CTDSP2: variants seen among roughly 807,000 people sequenced by gnomAD.
CTDSP2 encodes CTD small phosphatase 2, also known as carboxy-terminal domain RNA polymerase II polypeptide A small phosphatase 2.
Under a neutral mutation model 31.6 loss-of-function variants are expected in CTDSP2, and 9 were observed. The observed-to-expected ratio is 0.28, with a 90% confidence interval of 0.17 to 0.50. The LOEUF is 0.50. Ranked by LOEUF, CTDSP2 falls within the 20% of genes least tolerant of loss-of-function variation. The pLI is 0.98. For synonymous variants in CTDSP2, 134 were observed against 134.5 expected, an observed-to-expected ratio of 1.00 and a Z score of 0.03; for missense variants, 267 against 348.5, an observed-to-expected ratio of 0.77 and a Z score of 1.86.
rs1264848072 is a variant in CTDSP2 at position 57,846,534 on chromosome 12, C to T, written c.-99G>A. 3 of 936,586 alleles carry T rather than the reference C, an allele frequency of 3.2e-6. No homozygotes were observed. Among genetic ancestry groups the T allele is most frequent in the African/African-American group, 3.6e-5 (2 of 56,088 alleles). The allele number at this position is 936,586 out of a possible 1,614,324, so 58.0% of individuals were successfully genotyped here. ...CCTGGGCGGGGGCCCGCTCCGGCTC[C>T]CGAGACTCCGACTTCCACAGCTGTT... On this transcript the variant is annotated 5_prime_UTR_variant, in exon 1 of 8. Coordinates refer to ENST00000398073, the MANE Select transcript of CTDSP2 (RefSeq NM_005730.4).
chr12:57,829,007 A>C lies in CTDSP2; in HGVS notation c.213+441T>G, dbSNP rs781658432. On this transcript the variant is annotated intron_variant, in intron 2 of 7. Coordinates refer to ENST00000398073, the MANE Select transcript of CTDSP2 (RefSeq NM_005730.4). ...TAGCTTTGCATAATTGAGAACAACAACACAGGCTTTAGAGCCAGAGAAATC... is the reference window on the plus strand; with the variant it reads ...TAGCTTTGCATAATTGAGAACAACACCACAGGCTTTAGAGCCAGAGAAATC... Among the ~76,000 whole-genome samples the C allele has an allele frequency of 9.8e-5, 15 of 152,384 alleles. No homozygotes were observed. In the Middle Eastern group the frequency reaches 0.014, roughly 138 times the overall value.
In CTDSP2 at chr12:57,825,970, A is replaced by G. The variant is rs552618742; in HGVS notation, c.411+376T>C. Among the ~76,000 whole-genome samples, 4 of 152,344 alleles carry G rather than the reference A, an allele frequency of 2.6e-5. No homozygotes were observed. In the South Asian group the frequency reaches 8.3e-4, roughly 32 times the overall value. On this transcript the variant is annotated intron_variant, in intron 5 of 7. Coordinates refer to ENST00000398073, the MANE Select transcript of CTDSP2 (RefSeq NM_005730.4). ...AGAGATACCTGGTTAAGGTATCTTAACAGGTATAGATACCTTTCTTAAGGA... is the reference window on the plus strand; with the variant it reads ...AGAGATACCTGGTTAAGGTATCTTAGCAGGTATAGATACCTTTCTTAAGGA...
At chr12:57,828,193 G>A (rs1275313901) in intron 2 of CTDSP2, among the ~76,000 whole-genome samples, 2 of 152,148 alleles carry the variant, frequency 1.3e-5, no homozygotes, top group Admixed American at 6.5e-5. Flanking sequence ...GCCGAGGCGC[G>A]CGGATCACCT....
intron 1 of CTDSP2, among the ~76,000 whole-genome samples, chr12:57,837,773 A>C (rs901002552): frequency 2.0e-5 from 3 of 152,160 alleles, no homozygotes; most frequent in African/African-American, 7.2e-5. Flanking sequence ...AGCATGTTGT[A>C]TGCTGGTGCC....
rs200920287 is a variant in CTDSP2, at chr12:57,824,095, A to G, written c.505-6T>C. ...TCTGTCACAGGGTCGGCATACTAGG[A>G]GGAGAGAAGATGCCTTAGTTTGGAT... On this transcript the variant is annotated splice_region_variant and splice_polypyrimidine_tract_variant and intron_variant, in intron 6 of 7. Coordinates refer to ENST00000398073, the MANE Select transcript of CTDSP2 (RefSeq NM_005730.4). 1 of 1,613,744 alleles carries G rather than the reference A, an allele frequency of 6.2e-7. No individual in the cohort carries two copies. The highest frequency in any genetic ancestry group is 1.3e-5 in the African/African-American group (1 of 74,914).
chr12:57,838,655 C>A (rs1200037640), intron 1 of CTDSP2, among the ~76,000 whole-genome samples: 4 of 152,212 alleles, frequency 2.6e-5, no homozygotes, highest in Non-Finnish European at 1.5e-5. Flanking sequence ...GGACACAGGA[C>A]AAAGCAAGGG....
At chr12:57,832,214 A>T (rs1174594537) in intron 1 of CTDSP2, among the ~76,000 whole-genome samples, 2 of 152,240 alleles carry the variant, frequency 1.3e-5, no homozygotes, top group African/African-American at 4.8e-5. Flanking sequence ...AACTTTTTAG[A>T]AAATGACTGG....
chr12:57,840,908 C>A (rs1263772498), intron 1 of CTDSP2, among the ~76,000 whole-genome samples: 1 of 152,144 alleles, frequency 6.6e-6, no homozygotes, highest in African/African-American at 2.4e-5. Flanking sequence ...GTGGCGCTCA[C>A]TGGAGTACCC....
chr12:57,827,048 C>T lies in CTDSP2; in HGVS notation c.302G>A (p.Arg101Lys), dbSNP rs747149135. The T allele has an allele frequency of 3.3e-5, 54 of 1,613,766 alleles. No individual in the cohort carries two copies. The highest frequency in any genetic ancestry group is 4.2e-5 in the Non-Finnish European group (49 of 1,179,984). ...ATCGAGGTCAATGACCACACAGATCCTTCCTTGATCTTCCTCTGTCACCTC... is the reference window on the plus strand; with the variant it reads ...ATCGAGGTCAATGACCACACAGATCTTTCCTTGATCTTCCTCTGTCACCTC... Reference protein sequence around the residue: ...LPEVTEEDQGRICVVIDLDET... With the variant: ...LPEVTEEDQGKICVVIDLDET... The change falls in exon 4 of 8, where the codon AGG becomes AAG. Residue 101 changes from arginine (R) to lysine (K), a missense_variant. Arg to Lys is a conservative substitution (Grantham distance 26, BLOSUM62 2). This residue lies in a region of CTDSP2 where 156 missense variants were observed against 241.3 expected (regional missense o/e 0.65). Transcript: ENST00000398073.
rs940341521 is a variant in CTDSP2, at chr12:57,846,626, C to T, written c.-191G>A. 1.5e-5 allele frequency: 7 copies of T among 480,662 alleles called. No individual in the cohort carries two copies. The highest frequency in any genetic ancestry group is 1.8e-5 in the Non-Finnish European group (5 of 282,520). The allele number at this position is 480,662 out of a possible 1,614,324, so 29.8% of individuals were successfully genotyped here. A position where few individuals can be genotyped will look rare whatever the true frequency, so the allele number is the denominator to read the frequency against. The stretch of plus-strand genomic sequence containing the variant: ...GCGGCCTGTACAAAGGGCGGGCGGC[C>T]CGGGCAGCGGCTCCCCCGGGTGCCC... On this transcript the variant is annotated 5_prime_UTR_variant, in exon 1 of 8. Transcript: ENST00000398073.
At chr12:57,845,972 C>CT (rs1270783700) in intron 1 of CTDSP2, among the ~76,000 whole-genome samples, 1 of 152,192 alleles carries the variant, frequency 6.6e-6, no homozygotes, top group Non-Finnish European at 1.5e-5. Context: ...GGGGCTCCCT[C>CT]TGTCACCTTC....
At chr12:57,844,407 C>T (rs1956300745) in intron 1 of CTDSP2, among the ~76,000 whole-genome samples, 1 of 152,166 alleles carries the variant, frequency 6.6e-6, no homozygotes, top group African/African-American at 2.4e-5. Context: ...TCTAAGATGC[C>T]CCGGCGCAGT....
chr12:57,839,941 A>G (rs1030033069), intron 1 of CTDSP2, among the ~76,000 whole-genome samples: 2 of 152,092 alleles, frequency 1.3e-5, no homozygotes, highest in East Asian at 3.9e-4. Context: ...TACTCTATAA[A>G]TATTGGCTGT....
At chr12:57,826,305 C>A in intron 5 of CTDSP2, 41 bp downstream of exon 5, 1 of 1,595,434 alleles carries the variant, frequency 6.3e-7, no homozygotes, top group South Asian at 1.1e-5. Context: ...AAGGCAGACC[C>A]CCCACCCTCT....
intron 5 of CTDSP2, among the ~76,000 whole-genome samples, chr12:57,824,845 T>C (rs1401748202): frequency 1.3e-5 from 2 of 152,148 alleles, no homozygotes; most frequent in South Asian, 2.1e-4. Flanking sequence ...CCCGATCTTG[T>C]GCTTGCTTCT....
chr12:57,842,213 GTCTT>G (rs151104532), intron 1 of CTDSP2: 319 of 152,090 alleles, frequency 2.1e-3, no homozygotes, highest in African/African-American at 7.3e-3. Context: ...TTTACATATT[GTCTT>G]TCTTTTCCAT....
Position 57,823,510 on chromosome 12 carries a change from G to A in CTDSP2, c.*92C>T. The A allele has an allele frequency of 6.9e-7, 1 of 1,458,016 alleles. No individual in the cohort carries two copies. Among genetic ancestry groups the A allele is most frequent in the South Asian group, 1.2e-5 (1 of 82,278 alleles). 90.3% of individuals were successfully genotyped at this position (1,458,016 alleles called of 1,614,324 possible). ...CGCTGTTTCCGGGCCGTGTGGTGAG[G>A]CACTCCAGCTTCTACTCTGTCACGC... On this transcript the variant is annotated 3_prime_UTR_variant, in exon 8 of 8. Coordinates refer to ENST00000398073, the MANE Select transcript of CTDSP2 (RefSeq NM_005730.4).
At chr12:57,834,502 A>G (rs1014711495) in intron 1 of CTDSP2, among the ~76,000 whole-genome samples, 2 of 152,344 alleles carry the variant, frequency 1.3e-5, no homozygotes, top group East Asian at 1.9e-4. Context: ...TCTGACCAGC[A>G]GATACCTCTG....
At chr12:57,830,179 A>AT (rs1209654939) in intron 1 of CTDSP2, among the ~76,000 whole-genome samples, 1 of 152,130 alleles carries the variant, frequency 6.6e-6, no homozygotes, top group African/African-American at 2.4e-5. Context: ...AGGTCAGAAG[A>AT]TTGAGACCAA....
Sources: gnomAD v4.1 joint callset for allele counts (sites outside exome capture counted in the v4.1 genomes callset) on GRCh38, gnomAD v4.1.1 for gene constraint, gnomAD v4.1.1 regional missense constraint, MANE v1.5 for transcripts, NCBI Gene and HGNC (gene_info 2026-07-23, HGNC 2026-07-21) for gene names.